The following RBMS3 variants were observed in gnomAD, a reference collection of about 807,000 sequenced individuals.
RBMS3 encodes RNA-binding motif, single-stranded-interacting protein 3.
In RBMS3, 27 loss-of-function variants were observed where a neutral mutation model predicts 66.8. The ratio of observed to expected loss-of-function variants is 0.40; its 90% CI spans 0.30 to 0.56. RBMS3 has a LOEUF of 0.56. Among genes scored for constraint, RBMS3 ranks in the 20% least tolerant of loss-of-function variants. The pLI is 0.40. For synonymous variants in RBMS3, 188 were observed against 183.0 expected (o/e 1.03, Z -0.22); for missense variants, 513 against 549.5 (o/e 0.93, Z 0.66).
chr3:29,591,543 C>T (rs537464162), intron 4 of RBMS3, among the ~76,000 whole-genome samples: 3 of 152,294 alleles, frequency 2.0e-5, no homozygotes, highest in African/African-American at 7.2e-5. Flanking sequence ...AATCACATAA[C>T]CCCTGATTCT....
Position 29,868,726 on chromosome 3 carries a change from G to T in RBMS3, c.638-132G>T, listed in dbSNP as rs527648409. ...GGCCAACAGAGCTGAGACTAAAAGG[G>T]GGCCAAATATCTCTTCAGAAGCAAG... is the stretch of plus-strand genomic sequence containing the variant. On this transcript the variant is annotated intron_variant, in intron 6 of 14. Coordinates refer to ENST00000383767, the MANE Select transcript of RBMS3 (RefSeq NM_001003793.3). 4 of 778,492 alleles carry T rather than the reference G, an allele frequency of 5.1e-6. No homozygotes were observed. The African/African-American group carries it at 7.2e-5, about 14-fold the overall frequency. The allele number at this position is 778,492 out of a possible 1,614,324, so 48.2% of individuals were successfully genotyped here. A position where few individuals can be genotyped will look rare whatever the true frequency, so the allele number is the denominator to read the frequency against.
chr3:29,775,117 C>T (rs931655480), intron 6 of RBMS3, among the ~76,000 whole-genome samples: 2 of 151,592 alleles, frequency 1.3e-5, no homozygotes, highest in South Asian at 2.1e-4. Context: ...AAGATAAAGG[C>T]GAAGTTTAAA....
chr3:29,775,205 A>G lies in RBMS3; in HGVS notation c.637+12216A>G, dbSNP rs892858106. 4.7e-4 allele frequency among the ~76,000 whole-genome samples: 71 copies of G among 151,926 alleles called. 1 individual carries two copies. Among genetic ancestry groups the G allele is most frequent in the Admixed American group, 1.2e-3 (18 of 15,246 alleles). On this transcript the variant is annotated intron_variant, in intron 6 of 14. Coordinates refer to ENST00000383767, the MANE Select transcript of RBMS3 (RefSeq NM_001003793.3). ...AAGCTAGTTTTAATGGAGCAATTAA[A>G]AAATAAATTTCAATTAAATGAGTTC...
At chr3:29,925,646 A>G (rs1559806162) in intron 10 of RBMS3, among the ~76,000 whole-genome samples, 2 of 152,196 alleles carry the variant, frequency 1.3e-5, no homozygotes, top group African/African-American at 2.4e-5. Context: ...TTTTAGAAGC[A>G]ATGTAATAGA....
intron 6 of RBMS3, among the ~76,000 whole-genome samples, chr3:29,849,042 C>T (rs1258391828): frequency 6.6e-6 from 1 of 152,116 alleles, no homozygotes; most frequent in South Asian, 2.1e-4. Context: ...GAGACCTTGA[C>T]ATTTTTTTCT....
In RBMS3 at chr3:29,433,332, AGCC is replaced by A. The variant is rs1294148526; in HGVS notation, c.76-1410_76-1408del. Among the ~76,000 whole-genome samples, 3 of 152,142 alleles carry A rather than the reference AGCC, an allele frequency of 2.0e-5. No individual in the cohort carries two copies. The East Asian group carries it at 5.8e-4, about 29-fold the overall frequency. ...ACTCTTCATCTTCAGATGAGAACCC[AGCC>A]CAAAGTTTCCCCACTGGAATCTTGA... On this transcript the variant is annotated intron_variant, in intron 1 of 14. Transcript: ENST00000383767.
At chr3:29,440,451 C>T (rs551329361) in intron 2 of RBMS3, among the ~76,000 whole-genome samples, 2 of 152,282 alleles carry the variant, frequency 1.3e-5, no homozygotes, top group South Asian at 2.1e-4. Flanking sequence ...TAGAGGGAAA[C>T]TCTTGGGTAG....
intron 2 of RBMS3, among the ~76,000 whole-genome samples, chr3:29,477,010 C>T (rs2042970394): frequency 6.6e-6 from 1 of 152,142 alleles, no homozygotes; most frequent in Admixed American, 6.5e-5. Flanking sequence ...TAGTAATACT[C>T]AAAACTGCGT....
chr3:29,701,451 C>T (rs751006856), intron 4 of RBMS3, among the ~76,000 whole-genome samples: 16 of 152,132 alleles, frequency 1.1e-4, no homozygotes, highest in Non-Finnish European at 1.8e-4. Context: ...TCGGTGCCTC[C>T]TCAGCCTCAG....
At chr3:29,896,225 C>T (rs977032009) in intron 8 of RBMS3, among the ~76,000 whole-genome samples, 1 of 151,342 alleles carries the variant, frequency 6.6e-6, no homozygotes, top group African/African-American at 2.4e-5. Context: ...ACCTTGAATT[C>T]TAGTCCTCCC....
rs35591949 is a variant in RBMS3, at chr3:29,866,077, T to TAAAA, written c.638-2762_638-2759dup. Among the ~76,000 whole-genome samples, 553 of 105,562 alleles carry TAAAA rather than the reference T, an allele frequency of 5.2e-3. 14 individuals are homozygous for TAAAA. The highest frequency in any genetic ancestry group is 0.02 in the African/African-American group (513 of 25,882). 69.3% of individuals were successfully genotyped at this position (105,562 alleles called of 152,430 possible). On this transcript the variant is annotated intron_variant, in intron 6 of 14. Transcript: ENST00000383767. ...TTAGTCTATTATTAACACCAAATAC[T>TAAAA]AAAAAAAAAAAAAAAAAAAAAATTC... is the stretch of plus-strand genomic sequence containing the variant.
intron 1 of RBMS3, 146 bp downstream of exon 1, chr3:29,281,902 T>C (rs1364481223): frequency 9.2e-6 from 6 of 655,534 alleles, no homozygotes; most frequent in Non-Finnish European, 1.6e-5. Context: ...CCAATGGAGT[T>C]AATGAGGCAG....
chr3:29,764,310 T>C (rs890725764), intron 6 of RBMS3, among the ~76,000 whole-genome samples: 2 of 152,062 alleles, frequency 1.3e-5, no homozygotes, highest in Non-Finnish European at 2.9e-5. Flanking sequence ...TGGAGACATA[T>C]GGTGTTGTTA....
intron 14 of RBMS3, among the ~76,000 whole-genome samples, chr3:30,003,081 T>C (rs78221235): frequency 0.012 from 1,860 of 152,114 alleles, 41 homozygotes; most frequent in African/African-American, 0.042. Context: ...AGAGATAATA[T>C]AGAGGTCCTT....
chr3:29,339,626 T>A (rs934830061), intron 1 of RBMS3, among the ~76,000 whole-genome samples: 1 of 151,728 alleles, frequency 6.6e-6, no homozygotes, highest in African/African-American at 2.4e-5. Flanking sequence ...AGAACAGTCA[T>A]CCCTTTTTAG....
chr3:29,740,651 A>G (rs769901259), intron 5 of RBMS3, among the ~76,000 whole-genome samples: 2 of 152,206 alleles, frequency 1.3e-5, no homozygotes, highest in Admixed American at 6.5e-5. Flanking sequence ...TCTTGTCTCT[A>G]TGGCTTGGTA....
rs563473135 is a variant in RBMS3 at position 29,755,983 on chromosome 3, G to A, written c.558-6927G>A. Among the ~76,000 whole-genome samples, 8 of 152,178 alleles carry A rather than the reference G, an allele frequency of 5.3e-5. No individual in the cohort carries two copies. In the East Asian group the frequency reaches 1.4e-3, roughly 26 times the overall value. On this transcript the variant is annotated intron_variant, in intron 5 of 14. Coordinates refer to ENST00000383767, the MANE Select transcript of RBMS3 (RefSeq NM_001003793.3). The stretch of plus-strand genomic sequence containing the variant: ...TTTTCTCCTAACTATTAAAAATAAA[G>A]AATGCAAGTTCAGTGATAAACAGCA...
At chr3:29,428,192 G>A (rs1045612512) in intron 1 of RBMS3, among the ~76,000 whole-genome samples, 3 of 152,110 alleles carry the variant, frequency 2.0e-5, no homozygotes, top group African/African-American at 7.2e-5. Flanking sequence ...ACTTAAAATA[G>A]TGATTCTCAA....
chr3:29,400,282 A>G (rs1196275888), intron 1 of RBMS3, among the ~76,000 whole-genome samples: 2 of 152,088 alleles, frequency 1.3e-5, no homozygotes, highest in African/African-American at 4.8e-5. Context: ...AATATGATGA[A>G]CCTTGAGGAC....
Sources: allele counts gnomAD v4.1 joint callset (sites outside exome capture counted in the v4.1 genomes callset), GRCh38; gene constraint gnomAD v4.1.1; transcripts MANE v1.5; gene names NCBI Gene and HGNC (gene_info 2026-07-23, HGNC 2026-07-21).